The following AGBL4 variants were observed in gnomAD, a reference collection of about 807,000 sequenced individuals.
AGBL4 encodes the protein AGBL carboxypeptidase 4.
Under a neutral mutation model 66.4 loss-of-function variants are expected in AGBL4, and 58 were observed. The observed-to-expected ratio is 0.87, with a 90% CI of 0.71 to 1.09. AGBL4 has a LOEUF of 1.09. Ranked by LOEUF, AGBL4 falls within the 50% of genes least tolerant of loss-of-function variation. AGBL4 has a pLI of 0.00. For missense variants in AGBL4, 579 were observed against 631.0 expected (o/e 0.92, Z 0.88); for synonymous variants, 234 against 222.9 (o/e 1.05, Z -0.44).
chr1:48,984,085 C>A (rs1417363870), intron 5 of AGBL4, among the ~76,000 whole-genome samples: 4 of 151,998 alleles, frequency 2.6e-5, no homozygotes, highest in Non-Finnish European at 5.9e-5. Context: ...TAGGAGAGAA[C>A]ATACAAGGAT....
At chr1:49,495,506 C>T (rs967598432) in intron 3 of AGBL4, among the ~76,000 whole-genome samples, 3 of 151,544 alleles carry the variant, frequency 2.0e-5, no homozygotes, top group East Asian at 3.9e-4. Context: ...AGACCATGTT[C>T]GTCTCTGCCT....
At chr1:49,940,614 C>G (rs1014760560) in intron 1 of AGBL4, among the ~76,000 whole-genome samples, 6 of 151,952 alleles carry the variant, frequency 3.9e-5, no homozygotes, top group African/African-American at 1.5e-4. Flanking sequence ...AAAACCCAAA[C>G]ACCGCATGTT....
At chr1:49,609,901 G>GT (rs1262568331) in intron 3 of AGBL4, among the ~76,000 whole-genome samples, 3 of 151,860 alleles carry the variant, frequency 2.0e-5, no homozygotes, top group Non-Finnish European at 2.9e-5. Flanking sequence ...TAATGCTAAA[G>GT]TTTTTTTTAT....
intron 3 of AGBL4, among the ~76,000 whole-genome samples, chr1:49,259,985 A>C (rs1310910093): frequency 3.3e-5 from 5 of 152,118 alleles, no homozygotes; most frequent in Non-Finnish European, 7.4e-5. Context: ...ATCAAACTAG[A>C]ACTCAGGATT....
chr1:49,784,521 C>T (rs1004070765), intron 2 of AGBL4, among the ~76,000 whole-genome samples: 1 of 151,924 alleles, frequency 6.6e-6, no homozygotes, highest in Non-Finnish European at 1.5e-5. Flanking sequence ...CAAAACAGAT[C>T]AAACATCTAA....
chr1:49,372,611 CTTTCTTTCTTTCTTTCTT>C (rs1644374267), intron 3 of AGBL4, among the ~76,000 whole-genome samples: 3 of 9,942 alleles, frequency 3.0e-4, no homozygotes, highest in Non-Finnish European at 5.6e-4. Context: ...TTTTCTTTTT[CTTTCTTTCTTTCTTTCTT>C]TCTTTCTTTC....
At chr1:49,153,671 C>T (rs993066834) in intron 4 of AGBL4, among the ~76,000 whole-genome samples, 3 of 151,414 alleles carry the variant, frequency 2.0e-5, no homozygotes, top group Admixed American at 2.0e-4. Flanking sequence ...CCCTTCTTTT[C>T]TCATCTTCTC....
At chr1:49,315,159 A>C (rs1423619645) in intron 3 of AGBL4, among the ~76,000 whole-genome samples, 1 of 152,238 alleles carries the variant, frequency 6.6e-6, no homozygotes, top group Non-Finnish European at 1.5e-5. Context: ...TTGCCTATTT[A>C]ATAAATGGTG....
intron 1 of AGBL4, among the ~76,000 whole-genome samples, chr1:49,860,896 G>A (rs1363529217): frequency 6.6e-6 from 1 of 152,064 alleles, no homozygotes; most frequent in African/African-American, 2.4e-5. Context: ...ACTGAAAGAG[G>A]CACTGAAGAG....
intron 4 of AGBL4, among the ~76,000 whole-genome samples, chr1:49,126,523 A>T (rs905819633): frequency 1.3e-5 from 2 of 152,182 alleles, no homozygotes; most frequent in African/African-American, 4.8e-5. Context: ...TATAAACTTA[A>T]TCCTCATAAT....
intron 3 of AGBL4, among the ~76,000 whole-genome samples, chr1:49,550,384 G>C (rs1436989962): frequency 6.6e-6 from 1 of 152,068 alleles, no homozygotes; most frequent in Non-Finnish European, 1.5e-5. Flanking sequence ...TTGTATTTTT[G>C]TTTTATAAGT....
At chr1:48,688,176 C>T (rs1331397241) in intron 6 of AGBL4, among the ~76,000 whole-genome samples, 2 of 152,112 alleles carry the variant, frequency 1.3e-5, no homozygotes, top group Non-Finnish European at 2.9e-5. Flanking sequence ...AGGAAGGAGA[C>T]ATTTATGCCA....
At chr1:49,461,715 C>T (rs569055191) in intron 3 of AGBL4, among the ~76,000 whole-genome samples, 9 of 146,398 alleles carry the variant, frequency 6.1e-5, no homozygotes, top group African/African-American at 1.5e-4. Flanking sequence ...TGAGAACATG[C>T]GGTGTTTGGT....
chr1:49,790,762 G>A (rs763076264), intron 2 of AGBL4, among the ~76,000 whole-genome samples: 1 of 152,156 alleles, frequency 6.6e-6, no homozygotes, highest in Non-Finnish European at 1.5e-5. Context: ...TAAGAAATGT[G>A]TAAGATGTTT....
intron 3 of AGBL4, among the ~76,000 whole-genome samples, chr1:49,564,537 T>C (rs1389266114): frequency 1.3e-5 from 2 of 152,226 alleles, no homozygotes; most frequent in Non-Finnish European, 2.9e-5. Context: ...AAAGAACATC[T>C]TTATTTCTGC....
chr1:49,991,910 A>G (rs1659972520), intron 1 of AGBL4, among the ~76,000 whole-genome samples: 1 of 152,196 alleles, frequency 6.6e-6, no homozygotes, highest in African/African-American at 2.4e-5. Flanking sequence ...TATATACTCT[A>G]CACTTAAGTT....
intron 3 of AGBL4, among the ~76,000 whole-genome samples, chr1:49,351,010 G>T (rs1321825347): frequency 6.6e-6 from 1 of 152,064 alleles, no homozygotes; most frequent in Non-Finnish European, 1.5e-5. Flanking sequence ...CAGTTTTTTG[G>T]CTGTCTCATG....
intron 6 of AGBL4, chr1:48,776,590 C>T: frequency 7.0e-7 from 1 of 1,418,660 alleles, no homozygotes; most frequent in Admixed American, 3.4e-5. Flanking sequence ...CCGTCCCTCC[C>T]CGCCCGCTTG....
At chr1:49,550,872 C>T (rs1652897257) in intron 3 of AGBL4, among the ~76,000 whole-genome samples, 1 of 152,106 alleles carries the variant, frequency 6.6e-6, no homozygotes, top group Admixed American at 6.6e-5. Context: ...AAGTTTTCCT[C>T]AATTATTCCC....
Sources: gnomAD v4.1 joint callset for allele counts (sites outside exome capture counted in the v4.1 genomes callset) on GRCh38, gnomAD v4.1.1 for gene constraint, MANE v1.5 for transcripts, NCBI Gene and HGNC (gene_info 2026-07-23, HGNC 2026-07-21) for gene names.